The following EPHA3 variants were observed in gnomAD, a reference collection of about 807,000 sequenced individuals.
The protein encoded by EPHA3 is EPH receptor A3.
Under a neutral mutation model 107.1 loss-of-function variants are expected in EPHA3, and 42 were observed. The observed-to-expected ratio is 0.39, with a 90% confidence interval of 0.31 to 0.51. The LOEUF is 0.51. Ranked by LOEUF, EPHA3 falls within the 20% of genes least tolerant of loss-of-function variation. EPHA3 has a pLI of 0.78. For missense variants in EPHA3, 1,183 were observed against 1,211.2 expected (o/e 0.98, Z 0.35); for synonymous variants, 461 against 424.8 (o/e 1.09, Z -1.05).
intron 2 of EPHA3, among the ~76,000 whole-genome samples, chr3:89,156,273 T>C (rs1704804699): frequency 6.6e-6 from 1 of 152,062 alleles, no homozygotes; most frequent in Non-Finnish European, 1.5e-5. Context: ...TTCCTTTGTA[T>C]CTGGGTGTTC....
At chr3:89,413,619 A>AT (rs1341302166) in intron 10 of EPHA3, among the ~76,000 whole-genome samples, 1 of 151,726 alleles carries the variant, frequency 6.6e-6, no homozygotes, top group Non-Finnish European at 1.5e-5. Flanking sequence ...TGAAGTTTTC[A>AT]TTTTCAATTT....
At chr3:89,221,880 G>T (rs1331009135) in intron 3 of EPHA3, among the ~76,000 whole-genome samples, 3 of 152,132 alleles carry the variant, frequency 2.0e-5, no homozygotes, top group Non-Finnish European at 2.9e-5. Context: ...CTGCTGCCAA[G>T]GGGATGGTTG....
chr3:89,479,562 C>T lies in EPHA3; in HGVS notation c.*60C>T. On this transcript the variant is annotated 3_prime_UTR_variant, in exon 17 of 17. Transcript: ENST00000336596. Reference sequence around the variant, plus strand: ...TGGCTGTGGAAGGCGTAGCATCATCCTGCAGACAGACAATAATTCTGGAGA... The same window carrying T: ...TGGCTGTGGAAGGCGTAGCATCATCTTGCAGACAGACAATAATTCTGGAGA... 1 of 1,292,956 alleles carries T rather than the reference C, an allele frequency of 7.7e-7. No individual in the cohort carries two copies. Among genetic ancestry groups the T allele is most frequent in the Non-Finnish European group, 1.1e-6 (1 of 894,022 alleles). 80.1% of individuals were successfully genotyped at this position (1,292,956 alleles called of 1,614,324 possible).
intron 3 of EPHA3, among the ~76,000 whole-genome samples, chr3:89,242,661 TCTC>T (rs1704930873): frequency 6.6e-6 from 1 of 152,050 alleles, no homozygotes; most frequent in Non-Finnish European, 1.5e-5. Context: ...ATGGTCTCGA[TCTC>T]CTGACCTTGT....
At chr3:89,356,453 G>T (rs538023071) in intron 5 of EPHA3, among the ~76,000 whole-genome samples, 209 of 151,270 alleles carry the variant, frequency 1.4e-3, no homozygotes, top group African/African-American at 4.7e-3. Flanking sequence ...CCCACCAACA[G>T]TGTAAAAGTG....
At chr3:89,425,837 A>G (rs1228670997) in intron 11 of EPHA3, among the ~76,000 whole-genome samples, 1 of 151,552 alleles carries the variant, frequency 6.6e-6, no homozygotes, top group Non-Finnish European at 1.5e-5. Flanking sequence ...GACATTTTGA[A>G]TCATATTTCT....
Position 89,134,224 on chromosome 3 carries a change from T to TTA in EPHA3, c.153+6951_153+6952insTA, listed in dbSNP as rs1553704783. Among the ~76,000 whole-genome samples the TTA allele has an allele frequency of 1.8e-4, 27 of 149,790 alleles. 1 individual carries two copies. The highest frequency in any genetic ancestry group is 2.1e-4 in the South Asian group (1 of 4,728). ...CTTGTCAACTTTCTTTTTTTTTTTT[T>TTA]AAAAAAATTATACTTTAAGTTCTAG... On this transcript the variant is annotated intron_variant, in intron 2 of 16. Coordinates refer to ENST00000336596, the MANE Select transcript of EPHA3 (RefSeq NM_005233.6).
chr3:89,177,004 T>A (rs1221701201), intron 2 of EPHA3, among the ~76,000 whole-genome samples: 1 of 152,036 alleles, frequency 6.6e-6, no homozygotes, highest in African/African-American at 2.4e-5. Flanking sequence ...CACACGGTTT[T>A]CTTAGACATT....
At chr3:89,444,022 G>A (rs1709832028) in intron 13 of EPHA3, among the ~76,000 whole-genome samples, 1 of 152,142 alleles carries the variant, frequency 6.6e-6, no homozygotes, top group African/African-American at 2.4e-5. Context: ...TGCCTGCACT[G>A]CACATTTGCC....
intron 5 of EPHA3, among the ~76,000 whole-genome samples, chr3:89,357,193 A>G (rs1368587750): frequency 2.0e-5 from 3 of 148,276 alleles, no homozygotes; most frequent in Non-Finnish European, 3.0e-5. Context: ...TGATACGGGA[A>G]GAAACCAGGT....
chr3:89,406,654 T>C (rs1166086689), intron 7 of EPHA3, among the ~76,000 whole-genome samples: 1 of 152,158 alleles, frequency 6.6e-6, no homozygotes, highest in Non-Finnish European at 1.5e-5. Context: ...TTAAAAGAAA[T>C]GTGAAACCAT....
intron 2 of EPHA3, among the ~76,000 whole-genome samples, chr3:89,145,724 A>C (rs1481379973): frequency 6.6e-6 from 1 of 151,524 alleles, no homozygotes; most frequent in Admixed American, 6.6e-5. Context: ...TTGTTGTTTT[A>C]TTTTTATTCA....
chr3:89,121,487 G>A (rs868010777), intron 1 of EPHA3, among the ~76,000 whole-genome samples: 27 of 152,132 alleles, frequency 1.8e-4, no homozygotes, highest in African/African-American at 5.3e-4. Context: ...GGCTGGGCAC[G>A]GTGGCTCACG....
At chr3:89,129,648 T>C (rs1382970591) in intron 2 of EPHA3, among the ~76,000 whole-genome samples, 3 of 142,628 alleles carry the variant, frequency 2.1e-5, no homozygotes, top group Non-Finnish European at 4.5e-5. Flanking sequence ...TGGGTGAAAA[T>C]AATGTATGGT....
chr3:89,238,562 A>T (rs1460057720), intron 3 of EPHA3, among the ~76,000 whole-genome samples: 1 of 152,236 alleles, frequency 6.6e-6, no homozygotes, highest in Non-Finnish European at 1.5e-5. Flanking sequence ...TCTTGAGTTT[A>T]ACATCTCTTA....
At chr3:89,318,556 G>A (rs1001184033) in intron 3 of EPHA3, among the ~76,000 whole-genome samples, 12 of 151,794 alleles carry the variant, frequency 7.9e-5, no homozygotes, top group Admixed American at 6.6e-5. Context: ...ATCCAATAAA[G>A]TATCAAAGTT....
intron 2 of EPHA3, among the ~76,000 whole-genome samples, chr3:89,187,950 C>T (rs1705612840): frequency 6.6e-6 from 1 of 152,074 alleles, no homozygotes; most frequent in Non-Finnish European, 1.5e-5. Context: ...GACAATTCTA[C>T]ATATATTTTA....
intron 2 of EPHA3, among the ~76,000 whole-genome samples, chr3:89,186,295 T>C (rs1705564264): frequency 6.6e-6 from 1 of 152,074 alleles, no homozygotes; most frequent in South Asian, 2.1e-4. Context: ...GTCTTTGAGG[T>C]CCAGGGACCT....
Position 89,450,235 on chromosome 3 carries a change from C to A in EPHA3, c.2555C>A (p.Ala852Asp), listed in dbSNP as rs763624373. The change falls in exon 15 of 17, where the codon GCC (alanine) becomes GAC (aspartate). Residue 852 changes from alanine to aspartate, a missense_variant. Ala to Asp is a moderately radical substitution (Grantham distance 126). Transcript: ENST00000336596. ...CCACCCCCCATGGACTGCCCAGCTG[C>A]CTTGTATCAGCTGATGCTGGACTGC... ...RLPPPMDCPA[A>D]LYQLMLDCWQ... 6.2e-7 allele frequency: 1 copy of A among 1,613,790 alleles called. No homozygotes were observed. The highest frequency in any genetic ancestry group is 1.1e-5 in the South Asian group (1 of 91,004).
Sources: gnomAD v4.1 joint callset for allele counts (sites outside exome capture counted in the v4.1 genomes callset) on GRCh38, gnomAD v4.1.1 for gene constraint, MANE v1.5 for transcripts, NCBI Gene and HGNC (gene_info 2026-07-23, HGNC 2026-07-21) for gene names.